The following GALNTL6 variants were observed in gnomAD, a reference collection of about 807,000 sequenced individuals.
GALNTL6 encodes polypeptide N-acetylgalactosaminyltransferase-like 6.
A neutral mutation model predicts 73.7 loss-of-function variants in GALNTL6; 46 were observed. That is an observed-to-expected ratio of 0.62 (90% confidence interval 0.49 to 0.80). The LOEUF is 0.80. Among genes scored for constraint, GALNTL6 ranks in the 30% least tolerant of loss-of-function variants. The pLI, the probability that GALNTL6 is intolerant of heterozygous loss-of-function variation, is 0.00. For synonymous variants in GALNTL6, 259 were observed against 263.7 expected, an observed-to-expected ratio of 0.98 and a Z score of 0.17; for missense variants, 604 against 755.0, an observed-to-expected ratio of 0.80 and a Z score of 2.34.
chr4:172,615,554 AT>A (rs1738693637), intron 5 of GALNTL6, among the ~76,000 whole-genome samples: 2 of 152,172 alleles, frequency 1.3e-5, no homozygotes, highest in African/African-American at 2.4e-5. Context: ...TGCTCTTTCT[AT>A]TAAGTTCTCC....
chr4:172,768,348 C>T (rs1006528034), intron 5 of GALNTL6, among the ~76,000 whole-genome samples: 6 of 152,142 alleles, frequency 3.9e-5, no homozygotes, highest in Non-Finnish European at 8.8e-5. Context: ...TCAAGAGCCA[C>T]AGTGATACCA....
chr4:171,917,353 C>T (rs918491789), intron 2 of GALNTL6, among the ~76,000 whole-genome samples: 15 of 151,878 alleles, frequency 9.9e-5, no homozygotes, highest in Non-Finnish European at 1.9e-4. Flanking sequence ...TGCTAATTTG[C>T]CAAGGATTTG....
chr4:172,044,364 G>C (rs905766203), intron 2 of GALNTL6, among the ~76,000 whole-genome samples: 14 of 151,800 alleles, frequency 9.2e-5, no homozygotes, highest in Non-Finnish European at 1.5e-4. Flanking sequence ...ACTTTAAAGA[G>C]AAATTGAAAA....
chr4:172,467,441 C>T (rs1403015343), intron 5 of GALNTL6, among the ~76,000 whole-genome samples: 1 of 152,228 alleles, frequency 6.6e-6, no homozygotes, highest in Non-Finnish European at 1.5e-5. Context: ...ATTTCTGCAG[C>T]TTGACTGGCT....
At chr4:172,165,156 T>C (rs939907873) in intron 2 of GALNTL6, among the ~76,000 whole-genome samples, 7 of 152,278 alleles carry the variant, frequency 4.6e-5, no homozygotes, top group African/African-American at 1.2e-4. Flanking sequence ...GATTGTGCCA[T>C]CTTTATTTTA....
intron 2 of GALNTL6, among the ~76,000 whole-genome samples, chr4:171,823,085 T>C (rs1331740599): frequency 6.6e-6 from 1 of 152,172 alleles, no homozygotes; most frequent in African/African-American, 2.4e-5. Context: ...ACAGCCACAT[T>C]GTTTAAGGGT....
intron 2 of GALNTL6, among the ~76,000 whole-genome samples, chr4:172,046,782 A>T (rs1051780869): frequency 3.9e-5 from 6 of 152,076 alleles, no homozygotes; most frequent in African/African-American, 1.2e-4. Flanking sequence ...CCCCTTATCA[A>T]ATGTATGGCT....
intron 2 of GALNTL6, among the ~76,000 whole-genome samples, chr4:172,213,336 C>T (rs1736393013): frequency 1.3e-5 from 2 of 152,214 alleles, no homozygotes; most frequent in Admixed American, 6.5e-5. Flanking sequence ...ATGAAACTGC[C>T]AAACTGACTT....
At chr4:172,430,717 T>A (rs560671183) in intron 5 of GALNTL6, among the ~76,000 whole-genome samples, 2 of 151,828 alleles carry the variant, frequency 1.3e-5, no homozygotes, top group East Asian at 3.9e-4. Flanking sequence ...AGGCCAGAGG[T>A]TTGCTTGAAC....
intron 5 of GALNTL6, among the ~76,000 whole-genome samples, chr4:172,581,788 T>C (rs1003820219): frequency 6.6e-6 from 1 of 152,134 alleles, no homozygotes. Context: ...TCCCAACAGG[T>C]AGACATAAGC....
chr4:172,837,075 A>G (rs750189264), intron 7 of GALNTL6, among the ~76,000 whole-genome samples: 2 of 152,212 alleles, frequency 1.3e-5, no homozygotes, highest in Non-Finnish European at 2.9e-5. Context: ...AAAATTCTAC[A>G]ATAGCTCTCA....
At chr4:171,825,941 T>C (rs1287372746) in intron 2 of GALNTL6, among the ~76,000 whole-genome samples, 1 of 152,182 alleles carries the variant, frequency 6.6e-6, no homozygotes, top group Non-Finnish European at 1.5e-5. Flanking sequence ...CTCTTTGTTG[T>C]CATTGGTTTG....
chr4:172,374,445 A>T (rs10020134), intron 5 of GALNTL6, among the ~76,000 whole-genome samples: 85,428 of 150,154 alleles, frequency 0.57, 26,436 homozygotes, highest in South Asian at 0.71. Context: ...TTTAGAATCA[A>T]TTGACCCTTG....
intron 7 of GALNTL6, among the ~76,000 whole-genome samples, chr4:172,861,319 A>G (rs10025564): frequency 0.66 from 96,745 of 146,402 alleles, 33,614 homozygotes; most frequent in East Asian, 0.91. Context: ...TTTTGCTTAC[A>G]TGTGTGTGTG....
chr4:172,795,144 T>C (rs1172471635), intron 5 of GALNTL6, among the ~76,000 whole-genome samples: 1 of 152,162 alleles, frequency 6.6e-6, no homozygotes, highest in Non-Finnish European at 1.5e-5. Context: ...GTTTGCTTTC[T>C]AGGAGAGAGA....
At chr4:172,661,243 C>G (rs1265599457) in intron 5 of GALNTL6, among the ~76,000 whole-genome samples, 1 of 152,156 alleles carries the variant, frequency 6.6e-6, no homozygotes, top group African/African-American at 2.4e-5. Context: ...CTCTCCACCC[C>G]CTACCCCACA....
intron 5 of GALNTL6, among the ~76,000 whole-genome samples, chr4:172,540,334 C>T (rs1735507432): frequency 1.3e-5 from 2 of 152,056 alleles, no homozygotes; most frequent in Admixed American, 6.5e-5. Flanking sequence ...GCCACTGCAC[C>T]CGGCCTGGAG....
chr4:172,477,718 C>T (rs1262077698), intron 5 of GALNTL6, among the ~76,000 whole-genome samples: 1 of 152,088 alleles, frequency 6.6e-6, no homozygotes, highest in Non-Finnish European at 1.5e-5. Context: ...TAAACAATTA[C>T]ATTTATTTTA....
intron 5 of GALNTL6, among the ~76,000 whole-genome samples, chr4:172,781,135 A>G (rs1053585083): frequency 1.3e-5 from 2 of 152,204 alleles, no homozygotes; most frequent in Non-Finnish European, 2.9e-5. Context: ...AAGTTAAGGA[A>G]GTCTGCCTGC....
Sources: gnomAD v4.1 joint callset for allele counts (sites outside exome capture counted in the v4.1 genomes callset) on GRCh38, gnomAD v4.1.1 for gene constraint, MANE v1.5 for transcripts, NCBI Gene and HGNC (gene_info 2026-07-23, HGNC 2026-07-21) for gene names.